Variants in MROH6 observed in about 807,000 individuals in gnomAD.
MROH6 encodes maestro heat-like repeat-containing protein family member 6.
In MROH6, 62 loss-of-function variants were observed where a neutral mutation model predicts 67.7. That is an observed-to-expected ratio of 0.92 (90% CI 0.75 to 1.13). The LOEUF (loss-of-function observed/expected upper bound fraction) is 1.13. Ranked by LOEUF, MROH6 falls within the 50% of genes most tolerant of loss-of-function variation. The pLI is 0.00. For synonymous variants in MROH6, 566 were observed against 470.8 expected, an observed-to-expected ratio of 1.20 and a Z score of -2.62; for missense variants, 1,175 against 1,029.1, an observed-to-expected ratio of 1.14 and a Z score of -1.94.
At position 143,570,079 on chromosome 8, in the gene MROH6, A is replaced by G; in HGVS notation, c.1044-14T>C. ...GCCACCATAGCACTGGGGTGGGTGG[A>G]AATGGGAGCTCTCGCTCCGTTTGGC... On this transcript the variant is annotated splice_polypyrimidine_tract_variant and intron_variant, in intron 6 of 13. Transcript: ENST00000398882. 1 of 1,605,976 alleles carries G rather than the reference A, an allele frequency of 6.2e-7. No individual in the cohort carries two copies. Among genetic ancestry groups the G allele is most frequent in the Non-Finnish European group, 8.5e-7 (1 of 1,177,278 alleles).
rs1281703085 is a variant in MROH6 at position 143,569,459 on chromosome 8, G to C, written c.1458C>G (p.Leu486=). 4 of 1,460,968 alleles carry C rather than the reference G, an allele frequency of 2.7e-6. No homozygotes were observed. Among genetic ancestry groups the C allele is most frequent in the Non-Finnish European group, 3.6e-6 (4 of 1,117,140 alleles). The allele number at this position is 1,460,968 out of a possible 1,614,324, so 90.5% of individuals were successfully genotyped here. ...RLLSAELGPR[L]PPLLDDTRDS... ...TGCTCACGTCGTCCAGTAGCGGAGG[G>C]AGGCGCGGTCCCAGCTCCGCGCTCA... is the stretch of plus-strand genomic sequence containing the variant. Residue 486 remains leucine (L), a synonymous_variant, in exon 9 of 14, where the codon CTC becomes CTG. Coordinates refer to ENST00000398882, the MANE Select transcript of MROH6 (RefSeq NM_001100878.2).
At chr8:143,568,118 G>A (rs373973044) in intron 11 of MROH6, 24 bp downstream of exon 11, 24 of 1,582,876 alleles carry the variant, frequency 1.5e-5, no homozygotes, top group African/African-American at 2.7e-5. Context: ...ACCCCCTTGC[G>A]GTCACCTTGC....
intron 3 of MROH6, 42 bp downstream of exon 3, chr8:143,571,625 G>A (rs1226353297): frequency 4.5e-6 from 7 of 1,550,732 alleles, no homozygotes; most frequent in South Asian, 2.4e-5. Flanking sequence ...GAAGAGGGAA[G>A]GAAGCCGCGT....
chr8:143,568,249 T>A lies in MROH6; in HGVS notation c.1657A>T (p.Thr553Ser), dbSNP rs767442497. 1 of 1,609,204 alleles carries A rather than the reference T, an allele frequency of 6.2e-7. No individual in the cohort carries two copies. The highest frequency in any genetic ancestry group is 8.5e-7 in the Non-Finnish European group (1 of 1,178,402). Residue 553 changes from threonine (T) to serine (S), a missense_variant, in exon 11 of 14, where the codon ACC becomes TCC. Thr to Ser is a moderately conservative substitution (Grantham distance 58). Transcript: ENST00000398882. ...SRDAAESSEW[T>S]LARCDHAFCW... ...AAGGCGTGGTCACAGCGGGCCAGGG[T>A]CCACTCTGAGCTCTGGGATAGGGGA...
Position 143,572,460 on chromosome 8 carries a change from G to A in MROH6, c.255C>T (p.Leu85=). ...VPEAGSEPCS[L]NSALEPAPEG... Reference sequence around the variant, plus strand: ...CAGGGGCTGGTTCCAGGGCACTGTTGAGGGAGCAGGGCTCGCTGCCAGCTT... The same window carrying A: ...CAGGGGCTGGTTCCAGGGCACTGTTAAGGGAGCAGGGCTCGCTGCCAGCTT... Residue 85 remains leucine, a synonymous_variant, in exon 1 of 14, where the codon CTC becomes CTT. Transcript: ENST00000398882. 3 of 1,599,162 alleles carry A rather than the reference G, an allele frequency of 1.9e-6. No individual in the cohort carries two copies. The highest frequency in any genetic ancestry group is 2.6e-6 in the Non-Finnish European group (3 of 1,176,206).
chr8:143,572,137 A>G lies in MROH6; in HGVS notation c.343T>C (p.Tyr115His). 6.2e-7 allele frequency: 1 copy of G among 1,613,060 alleles called. No homozygotes were observed. The highest frequency in any genetic ancestry group is 8.5e-7 in the Non-Finnish European group (1 of 1,179,860). The change falls in exon 2 of 14, where the codon TAC becomes CAC. Residue 115 changes from tyrosine to histidine, a missense_variant. Physicochemically the swap from Tyr to His is moderately conservative, Grantham distance 83 (BLOSUM62 2). Transcript: ENST00000398882. ...EEGVLADLAL[Y>H]TAACLEEAGF... ...GCCTCCTCCAGGCAGGCAGCCGTGT[A>G]CAACGCGAGGTCGGCAAGAACTCCC... is the stretch of plus-strand genomic sequence containing the variant.
In MROH6 at chr8:143,567,271, G is replaced by C. The variant is rs991642170; in HGVS notation, c.2128C>G (p.Arg710Gly). 1 of 1,222,646 alleles carries C rather than the reference G, an allele frequency of 8.2e-7. No individual in the cohort carries two copies. The highest frequency in any genetic ancestry group is 1.6e-5 in the African/African-American group (1 of 63,966). The allele number at this position is 1,222,646 out of a possible 1,614,324, so 75.7% of individuals were successfully genotyped here. ...CGGCGGGGTCCGGAGCAGCCCCAGC[G>C]GCCCGCGACGCTCCGGCGCTGGAAG... ...SPFQRRSVAGRWGCSGPRRA is the reference protein window; with the variant it reads ...SPFQRRSVAGGWGCSGPRRA The change falls in exon 14 of 14, where the codon CGC becomes GGC. Residue 710 changes from arginine (R) to glycine (G), a missense_variant. Transcript: ENST00000398882.
rs766710613 is a variant in MROH6 at position 143,572,601 on chromosome 8, G to C, written c.114C>G (p.Pro38=). ...ACTTGGGCTGAGGGCCTGCGGAAGG[G>C]GGTCCCTGGGGCTGCCCCTGCCTGG... is the stretch of plus-strand genomic sequence containing the variant. ...IRARQGQPQG[P]PSAGPQPKSW... is the part of the protein sequence containing the mutation. Residue 38 remains proline, a synonymous_variant, in exon 1 of 14, where the codon CCC becomes CCG. Transcript: ENST00000398882. 4.4e-6 allele frequency: 7 copies of C among 1,597,848 alleles called. No homozygotes were observed. The highest frequency in any genetic ancestry group is 6.0e-6 in the Non-Finnish European group (7 of 1,175,004).
intron 3 of MROH6, among the ~76,000 whole-genome samples, chr8:143,571,429 G>A (rs1029319862): frequency 6.6e-6 from 1 of 152,234 alleles, no homozygotes; most frequent in African/African-American, 2.4e-5. Context: ...CCCGAAGATA[G>A]AAGGTGGCTC....
In MROH6 at chr8:143,569,597, C is replaced by CG; in HGVS notation, c.1319dup (p.Leu441AlafsTer101). ...GTGCGCCCAGGAGCGCCGGCAGCAG[C>CG]GTGCTCACGTGCCGCACCTGCTGGG... is the stretch of plus-strand genomic sequence containing the variant. On this transcript the variant is annotated frameshift_variant, in exon 9 of 14. Coordinates refer to ENST00000398882, the MANE Select transcript of MROH6 (RefSeq NM_001100878.2). LOFTEE classifies it high-confidence loss of function. The CG allele has an allele frequency of 6.4e-7, 1 of 1,573,426 alleles. No individual in the cohort carries two copies. Among genetic ancestry groups the CG allele is most frequent in the Non-Finnish European group, 8.6e-7 (1 of 1,162,412 alleles).
Position 143,567,280 on chromosome 8 carries a change from C to A in MROH6, c.2119G>T (p.Val707Phe), listed in dbSNP as rs1389246625. 6 of 1,222,560 alleles carry A rather than the reference C, an allele frequency of 4.9e-6. No individual in the cohort carries two copies. The highest frequency in any genetic ancestry group is 6.1e-6 in the Non-Finnish European group (6 of 981,912). The allele number at this position is 1,222,560 out of a possible 1,614,324, so 75.7% of individuals were successfully genotyped here. ...CCGGAGCAGCCCCAGCGGCCCGCGA[C>A]GCTCCGGCGCTGGAAGGGGCTGTCG... is the stretch of plus-strand genomic sequence containing the variant. Reference protein sequence around the residue: ...FADSPFQRRSVAGRWGCSGPR... With the variant: ...FADSPFQRRSFAGRWGCSGPR... Residue 707 changes from valine (V) to phenylalanine (F), a missense_variant, in exon 14 of 14, where the codon GTC becomes TTC. Val to Phe is a conservative substitution (Grantham distance 50). Transcript: ENST00000398882.
At chr8:143,571,633 C>A (rs951611167) in intron 3 of MROH6, 34 bp downstream of exon 3, 3 of 1,553,436 alleles carry the variant, frequency 1.9e-6, no homozygotes, top group Non-Finnish European at 2.6e-6. Context: ...AAGGAAGCCG[C>A]GTGGGGACCG....
intron 9 of MROH6, 148 bp downstream of exon 9, chr8:143,569,293 G>T: frequency 2.1e-6 from 1 of 484,712 alleles, no homozygotes; most frequent in South Asian, 2.7e-5. Flanking sequence ...GCGGGGCCTG[G>T]GAGGGAGAGA....
Position 143,570,583 on chromosome 8 carries a change from C to G in MROH6, c.795G>C (p.Leu265=). ...GCAGCTGTGTGACCAGCGCAAGCAG[C>G]AGATGTGGGTAGAAGCCCCTCGTGG... ...VGATRGFYPH[L]LLALVTQLHK... The change falls in exon 5 of 14, where the codon CTG becomes CTC. Residue 265 remains leucine, a synonymous_variant. Transcript: ENST00000398882. 1 of 1,606,596 alleles carries G rather than the reference C, an allele frequency of 6.2e-7. No homozygotes were observed. Among genetic ancestry groups the G allele is most frequent in the Non-Finnish European group, 8.5e-7 (1 of 1,179,816 alleles).
Position 143,572,205 on chromosome 8 carries a change from G to T in MROH6, c.295-20C>A. 1.2e-6 allele frequency: 2 copies of T among 1,611,232 alleles called. No individual in the cohort carries two copies. The highest frequency in any genetic ancestry group is 1.7e-6 in the Non-Finnish European group (2 of 1,178,930). On this transcript the variant is annotated intron_variant, in intron 1 of 13. Transcript: ENST00000398882. ...GGGAACCTAGGGCAGGATGGGTGGG[G>T]CGTCTGAAGTGCCCAAACCTCTCCT...
Position 143,570,661 on chromosome 8 carries a change from T to C in MROH6, c.721-4A>G. The C allele has an allele frequency of 6.3e-7, 1 of 1,588,792 alleles. No individual in the cohort carries two copies. The highest frequency in any genetic ancestry group is 1.7e-4 in the Middle Eastern group (1 of 6,024). On this transcript the variant is annotated splice_region_variant and splice_polypyrimidine_tract_variant and intron_variant, in intron 4 of 13. Transcript: ENST00000398882. ...TCTCCCCAAGAGCACGTGTGGCCTG[T>C]GGAGCAAGTGGCCCACTCAGGCCTG... is the stretch of plus-strand genomic sequence containing the variant.
intron 2 of MROH6, 31 bp downstream of exon 2, chr8:143,572,002 T>G (rs1332538142): frequency 6.3e-7 from 1 of 1,595,594 alleles, no homozygotes; most frequent in East Asian, 2.2e-5. Flanking sequence ...CCGGCAGGAT[T>G]CTGTAGGGCA....
At chr8:143,568,498 GGAGTGGT>G in intron 10 of MROH6, 47 bp downstream of exon 10, 1 of 1,471,444 alleles carries the variant, frequency 6.8e-7, no homozygotes, top group Non-Finnish European at 9.0e-7. Flanking sequence ...AGGCACGGTG[GGAGTGGT>G]GAGTGTTGGA....
rs1823749566 is a variant in MROH6 at position 143,568,243 on chromosome 8, C to T, written c.1663G>A (p.Ala555Thr). Residue 555 changes from alanine to threonine, a missense_variant, in exon 11 of 14, where the codon GCC becomes ACC. Ala to Thr is a moderately conservative substitution (Grantham distance 58). Transcript: ENST00000398882. ...CAGCAAAAGGCGTGGTCACAGCGGG[C>T]CAGGGTCCACTCTGAGCTCTGGGAT... ...DAAESSEWTL[A>T]RCDHAFCWGL... 5.6e-6 allele frequency: 9 copies of T among 1,609,746 alleles called. No individual in the cohort carries two copies. The highest frequency in any genetic ancestry group is 7.6e-6 in the Non-Finnish European group (9 of 1,178,612).
Sources: allele counts gnomAD v4.1 joint callset (sites outside exome capture counted in the v4.1 genomes callset), GRCh38; gene constraint gnomAD v4.1.1; transcripts MANE v1.5; gene names NCBI Gene and HGNC (gene_info 2026-07-23, HGNC 2026-07-21).